The following PPARD variants were observed in gnomAD, a reference collection of about 807,000 sequenced individuals.
PPARD encodes the protein peroxisome proliferator-activated receptor delta.
In PPARD, 6 loss-of-function variants were observed where a neutral mutation model predicts 39.5. The ratio of observed to expected loss-of-function variants is 0.15; its 90% CI spans 0.08 to 0.30. PPARD has a LOEUF of 0.30. Ranked by LOEUF, PPARD falls within the 10% of genes least tolerant of loss-of-function variation. The probability of loss-of-function intolerance (pLI) is 1.00; values close to 1 mark genes in which losing one functional copy is unlikely to be tolerated. For synonymous variants in PPARD, 210 were observed against 231.3 expected (o/e 0.91, Z 0.83); for missense variants, 397 against 596.8 (o/e 0.67, Z 3.49).
chr6:35,381,973 T>A (rs1233878258), intron 2 of PPARD, among the ~76,000 whole-genome samples: 2 of 152,176 alleles, frequency 1.3e-5, no homozygotes, highest in Admixed American at 6.5e-5. Flanking sequence ...GAAGTGGGTA[T>A]CTTACATACC....
intron 2 of PPARD, among the ~76,000 whole-genome samples, chr6:35,355,329 A>G (rs1761509152): frequency 1.3e-5 from 2 of 152,002 alleles, no homozygotes; most frequent in Admixed American, 6.6e-5. Context: ...GCACACCTGT[A>G]GTCCCAGCAC....
intron 2 of PPARD, among the ~76,000 whole-genome samples, chr6:35,393,796 C>T (rs1445322790): frequency 1.3e-5 from 2 of 152,156 alleles, no homozygotes; most frequent in African/African-American, 4.8e-5. Context: ...GGACTTCATG[C>T]TTCTCAAATA....
At chr6:35,374,777 ACT>A (rs1762711536) in intron 2 of PPARD, among the ~76,000 whole-genome samples, 1 of 151,422 alleles carries the variant, frequency 6.6e-6, no homozygotes, top group Non-Finnish European at 1.5e-5. Context: ...AAAACTCAGC[ACT>A]CCCCCAGTGA....
chr6:35,399,961 G>A (rs953120525), intron 2 of PPARD, among the ~76,000 whole-genome samples: 2 of 152,120 alleles, frequency 1.3e-5, no homozygotes, highest in African/African-American at 4.8e-5. Context: ...AAATAACATT[G>A]CAGTGAACAG....
chr6:35,346,814 T>C (rs1408925241), intron 1 of PPARD, among the ~76,000 whole-genome samples: 1 of 152,240 alleles, frequency 6.6e-6, no homozygotes, highest in African/African-American at 2.4e-5. Flanking sequence ...CTGCGCCTTC[T>C]GCGCCGACCT....
intron 3 of PPARD, among the ~76,000 whole-genome samples, chr6:35,419,209 T>C (rs928655348): frequency 2.0e-5 from 3 of 152,068 alleles, no homozygotes; most frequent in African/African-American, 7.2e-5. Context: ...GGTTGGACGG[T>C]CATCATGGCA....
At chr6:35,351,819 C>T (rs1241615460) in intron 2 of PPARD, among the ~76,000 whole-genome samples, 1 of 151,570 alleles carries the variant, frequency 6.6e-6, no homozygotes, top group Admixed American at 6.6e-5. Context: ...GCCTCAGCCT[C>T]CCAAATTACT....
intron 2 of PPARD, among the ~76,000 whole-genome samples, chr6:35,393,687 G>C (rs914255657): frequency 6.6e-6 from 1 of 152,152 alleles, no homozygotes; most frequent in Non-Finnish European, 1.5e-5. Flanking sequence ...TGAATCTCTA[G>C]GGTGCTTTGA....
intron 2 of PPARD, among the ~76,000 whole-genome samples, chr6:35,372,769 G>T (rs1345894988): frequency 1.1e-4 from 16 of 152,128 alleles, no homozygotes; most frequent in Admixed American, 1.0e-3. Context: ...GTTAGACCTG[G>T]GTTCAGATTC....
chr6:35,417,590 T>A (rs560787437), intron 3 of PPARD, among the ~76,000 whole-genome samples: 1 of 151,112 alleles, frequency 6.6e-6, no homozygotes, highest in East Asian at 2.0e-4. Context: ...AATGGCGCGA[T>A]CTCAGCTCAC....
chr6:35,355,381 G>A (rs1375704290), intron 2 of PPARD, among the ~76,000 whole-genome samples: 2 of 151,366 alleles, frequency 1.3e-5, no homozygotes, highest in Non-Finnish European at 1.5e-5. Flanking sequence ...GCGAAACCCC[G>A]TCTCTACAAA....
chr6:35,356,170 C>A (rs1302864972), intron 2 of PPARD, among the ~76,000 whole-genome samples: 1 of 152,144 alleles, frequency 6.6e-6, no homozygotes, highest in Non-Finnish European at 1.5e-5. Flanking sequence ...ACTTCCATAT[C>A]ATGATACTAA....
chr6:35,373,206 G>T (rs1247444548), intron 2 of PPARD, among the ~76,000 whole-genome samples: 1 of 152,098 alleles, frequency 6.6e-6, no homozygotes, highest in African/African-American at 2.4e-5. Context: ...TCTTAATACC[G>T]TTGTATTGGG....
chr6:35,369,370 G>A (rs1762364600), intron 2 of PPARD, among the ~76,000 whole-genome samples: 1 of 152,186 alleles, frequency 6.6e-6, no homozygotes, highest in South Asian at 2.1e-4. Flanking sequence ...TTACAGAGTT[G>A]TACAACCATC....
intron 3 of PPARD, among the ~76,000 whole-genome samples, chr6:35,415,375 G>C (rs1033897275): frequency 6.6e-6 from 1 of 152,324 alleles, no homozygotes; most frequent in East Asian, 1.9e-4. Context: ...GACCAATCGG[G>C]CGCCTCCTGG....
chr6:35,397,332 C>A (rs1402261456), intron 2 of PPARD, among the ~76,000 whole-genome samples: 1 of 150,922 alleles, frequency 6.6e-6, no homozygotes, highest in Non-Finnish European at 1.5e-5. Flanking sequence ...AAAATGAAGC[C>A]CCCCCTCCCG....
chr6:35,420,158 G>C lies in PPARD; in HGVS notation c.162G>C (p.Leu54=). The change falls in exon 4 of 8, where the codon CTG becomes CTC. Residue 54 remains leucine, a synonymous_variant. Transcript: ENST00000360694. ...CCCGGAGCTCCTCGCCACCCTCACTGCTGGACCAACTGCAGATGGGCTGTG... is the reference window on the plus strand; with the variant it reads ...CCCGGAGCTCCTCGCCACCCTCACTCCTGGACCAACTGCAGATGGGCTGTG... ...DLSRSSSPPS[L]LDQLQMGCDG... 1.9e-6 allele frequency: 3 copies of C among 1,613,594 alleles called. No individual in the cohort carries two copies. The highest frequency in any genetic ancestry group is 2.5e-6 in the Non-Finnish European group (3 of 1,179,884).
At position 35,366,845 on chromosome 6, in the gene PPARD, C is replaced by T. The variant is rs555673298; in HGVS notation, c.-102+19695C>T. 3.8e-4 allele frequency among the ~76,000 whole-genome samples: 58 copies of T among 152,328 alleles called. No individual in the cohort carries two copies. The highest frequency in any genetic ancestry group is 6.6e-4 in the Non-Finnish European group (45 of 68,036). On this transcript the variant is annotated intron_variant, in intron 2 of 7. Transcript: ENST00000360694. This position sits in a 1 kb window ranked among gnomAD's most constrained non-coding sequence, Gnocchi z 4.6. ...GATTATGGGCGTGAGCCGCTGCATCCGGCCTCTGTATTAAATACTTTAGCT... is the reference window on the plus strand; with the variant it reads ...GATTATGGGCGTGAGCCGCTGCATCTGGCCTCTGTATTAAATACTTTAGCT...
At position 35,366,099 on chromosome 6, in the gene PPARD, G is replaced by A. The variant is rs1384984030; in HGVS notation, c.-102+18949G>A. ...AAGAACAACAGCTCAGGTGTGACAG[G>A]GGAAATGAAGAGTATTAGTTATCTA... On this transcript the variant is annotated intron_variant, in intron 2 of 7. Coordinates refer to ENST00000360694, the MANE Select transcript of PPARD (RefSeq NM_006238.5). This position sits in a 1 kb window ranked among gnomAD's most constrained non-coding sequence, Gnocchi z 4.6. 6.6e-6 allele frequency among the ~76,000 whole-genome samples: 1 copy of A among 151,762 alleles called. No homozygotes were observed. The highest frequency in any genetic ancestry group is 1.9e-4 in the East Asian group (1 of 5,204).
Sources: gnomAD v4.1 joint callset for allele counts (sites outside exome capture counted in the v4.1 genomes callset) on GRCh38, gnomAD v4.1.1 for gene constraint, Gnocchi (gnomAD v3.1) non-coding constraint, MANE v1.5 for transcripts, NCBI Gene and HGNC (gene_info 2026-07-23, HGNC 2026-07-21) for gene names.